Variants in RABGEF1 observed in about 807,000 individuals in gnomAD.
RABGEF1 encodes RAB guanine nucleotide exchange factor 1.
In RABGEF1, 26 loss-of-function variants were observed where a neutral mutation model predicts 57.3. The observed-to-expected ratio is 0.45, with a 90% CI of 0.33 to 0.63. RABGEF1 has a LOEUF of 0.63. RABGEF1 is among the 20% of genes least tolerant of loss of function. The pLI is 0.02. For synonymous variants in RABGEF1, 185 were observed against 210.7 expected (o/e 0.88, Z 1.06); for missense variants, 464 against 607.6 (o/e 0.76, Z 2.48).
intron 6 of RABGEF1, 135 bp downstream of exon 6, chr7:66,797,641 G>T: frequency 1.0e-6 from 1 of 991,328 alleles, no homozygotes; most frequent in Non-Finnish European, 1.5e-6. Flanking sequence ...TAGAGTGGAA[G>T]CAGCTCTGTT....
chr7:66,687,902 A>G (rs1790925941), intron 1 of RABGEF1, among the ~76,000 whole-genome samples: 2 of 152,190 alleles, frequency 1.3e-5, no homozygotes, highest in East Asian at 1.9e-4. Context: ...CCTGACCAAC[A>G]TGGAGAAACC....
At chr7:66,773,366 ATTAAC>A (rs376052385) in intron 2 of RABGEF1, among the ~76,000 whole-genome samples, 2 of 152,278 alleles carry the variant, frequency 1.3e-5, no homozygotes, top group African/African-American at 4.8e-5. Context: ...GTACCTTTAT[ATTAAC>A]TTCTTGTCTG....
At chr7:66,738,722 A>ACT (rs1798341227), upstream of RABGEF1, among the ~76,000 whole-genome samples, 1 of 130,720 alleles carries the variant, frequency 7.6e-6, no homozygotes, top group Non-Finnish European at 1.6e-5. Flanking sequence ...ACAGAGTGAG[A>ACT]CTCTAACTCA....
chr7:66,661,096 T>C, the RABGEF1 span, among the ~76,000 whole-genome samples: 2 of 151,652 alleles, frequency 1.3e-5, no homozygotes, highest in East Asian at 3.9e-4. Context: ...GATCATGAGG[T>C]CAGGAGATCG....
At chr7:66,752,246 C>T (rs141419612) in intron 1 of RABGEF1, among the ~76,000 whole-genome samples, 108 of 152,048 alleles carry the variant, frequency 7.1e-4, no homozygotes, top group African/African-American at 2.5e-3. Context: ...GTAATCTCAG[C>T]GCTTTGGGAG....
chr7:66,662,445 C>A, the RABGEF1 span, among the ~76,000 whole-genome samples: 1 of 152,154 alleles, frequency 6.6e-6, no homozygotes. Flanking sequence ...TCCCTGTTCC[C>A]CTCATTTGGC....
At chr7:66,743,081 G>A (rs1327328390) in intron 1 of RABGEF1, among the ~76,000 whole-genome samples, 2 of 152,048 alleles carry the variant, frequency 1.3e-5, no homozygotes, top group East Asian at 1.9e-4. Flanking sequence ...AGGCCGAGGC[G>A]GGCGGATCAC....
chr7:66,695,614 G>A (rs555478141), intron 1 of RABGEF1, among the ~76,000 whole-genome samples: 2 of 151,760 alleles, frequency 1.3e-5, no homozygotes, highest in East Asian at 2.0e-4. Flanking sequence ...GAAAGTGAGG[G>A]ATTAGAAGTG....
intron 4 of RABGEF1, among the ~76,000 whole-genome samples, chr7:66,794,910 G>C (rs1813646295): frequency 2.0e-5 from 3 of 152,116 alleles, no homozygotes; most frequent in Admixed American, 2.0e-4. Flanking sequence ...TAGATAAATA[G>C]AAATGTACAT....
At chr7:66,730,009 C>T in intron 2 of RABGEF1, among the ~76,000 whole-genome samples, 1 of 152,380 alleles carries the variant, frequency 6.6e-6, no homozygotes, top group South Asian at 2.1e-4. Context: ...CAGGAAATTC[C>T]AGTAGGAGGG....
At chr7:66,709,999 T>A (rs779617324) in intron 1 of RABGEF1, among the ~76,000 whole-genome samples, 1 of 152,228 alleles carries the variant, frequency 6.6e-6, no homozygotes, top group Non-Finnish European at 1.5e-5. Context: ...TTTATTTTGC[T>A]TTCATTTTTA....
intron 1 of RABGEF1, among the ~76,000 whole-genome samples, chr7:66,700,401 G>C (rs1259480963): frequency 6.6e-6 from 1 of 151,000 alleles, no homozygotes; most frequent in African/African-American, 2.4e-5. Flanking sequence ...AGGTCTCCCC[G>C]GAAAGTGTTT....
chr7:66,672,013 A>G, the RABGEF1 span, among the ~76,000 whole-genome samples: 2 of 151,732 alleles, frequency 1.3e-5, no homozygotes, highest in African/African-American at 4.8e-5. Context: ...ATGAGGTTTC[A>G]GTATGTTGGC....
intron 4 of RABGEF1, among the ~76,000 whole-genome samples, chr7:66,786,516 G>A (rs1584106072): frequency 6.6e-6 from 1 of 152,200 alleles, no homozygotes; most frequent in South Asian, 2.1e-4. Flanking sequence ...TGATCCTCCT[G>A]CCTTAGTCTC....
intron 1 of RABGEF1, among the ~76,000 whole-genome samples, chr7:66,749,580 C>T (rs1016265): frequency 0.38 from 58,083 of 151,746 alleles, 11,557 homozygotes; most frequent in Middle Eastern, 0.57. Flanking sequence ...GGAGGATTGC[C>T]GGAGGTCAGG....
chr7:66,776,625 G>A (rs1754922924), intron 3 of RABGEF1, among the ~76,000 whole-genome samples: 1 of 152,188 alleles, frequency 6.6e-6, no homozygotes, highest in Non-Finnish European at 1.5e-5. Context: ...AATCTAGGAG[G>A]AGGAGGTTGC....
chr7:66,797,981 G>A (rs2129176780), intron 6 of RABGEF1, among the ~76,000 whole-genome samples: 1 of 152,296 alleles, frequency 6.6e-6, no homozygotes, highest in Admixed American at 6.5e-5. Flanking sequence ...GCCAGGCATG[G>A]TGGCGCACGC....
the RABGEF1 span, among the ~76,000 whole-genome samples, chr7:66,671,352 G>A: frequency 5.3e-4 from 80 of 151,900 alleles, no homozygotes; most frequent in African/African-American, 1.7e-3. Context: ...GCTATCCTAC[G>A]CAATATGAGA....
chr7:66,761,957 A>G (rs1804485083), intron 1 of RABGEF1, among the ~76,000 whole-genome samples: 1 of 152,116 alleles, frequency 6.6e-6, no homozygotes, highest in Admixed American at 6.5e-5. Flanking sequence ...AAGCCGAGGC[A>G]GGAGAATCAC....
Sources: allele counts gnomAD v4.1 joint callset (sites outside exome capture counted in the v4.1 genomes callset), GRCh38; gene constraint gnomAD v4.1.1; transcripts MANE v1.5; gene names NCBI Gene and HGNC (gene_info 2026-07-23, HGNC 2026-07-21).